Variants in ABTB3 observed in about 807,000 individuals in gnomAD.
ABTB3 encodes the protein ankyrin repeat and BTB domain containing 3.
the ABTB3 span, chr12:107,640,370 C>A: frequency 1.2e-6 from 2 of 1,600,334 alleles, no homozygotes; most frequent in African/African-American, 2.7e-5. Context: ...AGAAGGAAGA[C>A]CATTTTATGC....
the ABTB3 span, chr12:107,544,087 G>C: frequency 1.2e-6 from 2 of 1,614,070 alleles, no homozygotes; most frequent in Non-Finnish European, 1.7e-6. Context: ...CCCACAAATG[G>C]AATGGGAAAA....
the ABTB3 span, among the ~76,000 whole-genome samples, chr12:107,356,560 G>A: frequency 7.2e-5 from 11 of 152,230 alleles, no homozygotes; most frequent in South Asian, 1.0e-3. Context: ...TGTGAATGTC[G>A]TCATCTTAAT....
At chr12:107,588,976 C>A in the ABTB3 span, among the ~76,000 whole-genome samples, 1 of 152,286 alleles carries the variant, frequency 6.6e-6, no homozygotes, top group East Asian at 1.9e-4. Flanking sequence ...GGACTTGGAG[C>A]CTGACTGCCT....
At chr12:107,581,020 G>A in the ABTB3 span, 1 of 1,551,966 alleles carries the variant, frequency 6.4e-7, no homozygotes, top group Non-Finnish European at 8.7e-7. Flanking sequence ...AGGGTCTCCA[G>A]GGAAAGCGGG....
chr12:107,655,383 C>T, the ABTB3 span, among the ~76,000 whole-genome samples: 28,379 of 152,062 alleles, frequency 0.19, 3,648 homozygotes, highest in East Asian at 0.54. Flanking sequence ...AATATCTGCC[C>T]TTTATGATAG....
the ABTB3 span, among the ~76,000 whole-genome samples, chr12:107,580,246 CAG>C: frequency 7.8e-4 from 119 of 152,346 alleles, 1 homozygote; most frequent in African/African-American, 2.8e-3. Flanking sequence ...CCAATTAAAT[CAG>C]AATCCCTGGG....
At chr12:107,409,351 G>A in the ABTB3 span, among the ~76,000 whole-genome samples, 1 of 152,232 alleles carries the variant, frequency 6.6e-6, no homozygotes, top group South Asian at 2.1e-4. Flanking sequence ...ATGTAAATTA[G>A]TTCAACCATT....
At chr12:107,519,801 A>G in the ABTB3 span, among the ~76,000 whole-genome samples, 1 of 152,242 alleles carries the variant, frequency 6.6e-6, no homozygotes, top group Non-Finnish European at 1.5e-5. Context: ...TTGGGGTGGC[A>G]AAGGAAAGAG....
At chr12:107,644,162 T>C in the ABTB3 span, among the ~76,000 whole-genome samples, 1 of 152,228 alleles carries the variant, frequency 6.6e-6, no homozygotes, top group East Asian at 1.9e-4. Flanking sequence ...AGCCAGGATT[T>C]GAACCCAGCC....
At chr12:107,578,443 G>C in the ABTB3 span, among the ~76,000 whole-genome samples, 3 of 134,176 alleles carry the variant, frequency 2.2e-5, no homozygotes, top group Non-Finnish European at 3.0e-5. Flanking sequence ...CCAGGCATTG[G>C]CCGTGTGCCC....
chr12:107,400,920 G>A, the ABTB3 span, among the ~76,000 whole-genome samples: 2 of 152,122 alleles, frequency 1.3e-5, no homozygotes, highest in African/African-American at 4.8e-5. Context: ...AAAGGCCCTG[G>A]TCAAATTAAA....
the ABTB3 span, among the ~76,000 whole-genome samples, chr12:107,605,300 G>A: frequency 3.3e-5 from 5 of 152,352 alleles, no homozygotes; most frequent in East Asian, 9.6e-4. Flanking sequence ...AGGCTGGCAT[G>A]CTATTGGAAG....
the ABTB3 span, among the ~76,000 whole-genome samples, chr12:107,386,816 T>C: frequency 6.6e-6 from 1 of 151,952 alleles, no homozygotes; most frequent in African/African-American, 2.4e-5. Flanking sequence ...TGTCATGTCA[T>C]GGTGATGTCC....
chr12:107,453,198 G>T, the ABTB3 span, among the ~76,000 whole-genome samples: 1 of 152,168 alleles, frequency 6.6e-6, no homozygotes, highest in Non-Finnish European at 1.5e-5. Flanking sequence ...ATAAGATGAG[G>T]CCAGGGACCA....
chr12:107,544,579 G>T, the ABTB3 span, among the ~76,000 whole-genome samples: 2 of 152,216 alleles, frequency 1.3e-5, no homozygotes, highest in Non-Finnish European at 2.9e-5. Context: ...TGATTGCCCA[G>T]GGAGAGGCAG....
At chr12:107,634,378 T>A in the ABTB3 span, among the ~76,000 whole-genome samples, 1 of 152,232 alleles carries the variant, frequency 6.6e-6, no homozygotes, top group Admixed American at 6.5e-5. Flanking sequence ...TCTATTTTTT[T>A]AGATCTTTTT....
At chr12:107,449,923 T>C in the ABTB3 span, among the ~76,000 whole-genome samples, 1 of 152,174 alleles carries the variant, frequency 6.6e-6, no homozygotes, top group African/African-American at 2.4e-5. Context: ...ATTACAGGCA[T>C]GAGCCATTGT....
the ABTB3 span, among the ~76,000 whole-genome samples, chr12:107,532,308 T>C: frequency 6.6e-6 from 1 of 152,158 alleles, no homozygotes; most frequent in Non-Finnish European, 1.5e-5. Flanking sequence ...ATGCACCATT[T>C]TGCACCATCC....
chr12:107,581,317 G>T, the ABTB3 span: 1 of 1,324,524 alleles, frequency 7.5e-7, no homozygotes, highest in Non-Finnish European at 9.6e-7. Flanking sequence ...AGGCGCGGGG[G>T]CGGGCGGGGG....
Sources: allele counts gnomAD v4.1 joint callset (sites outside exome capture counted in the v4.1 genomes callset), GRCh38; gene constraint gnomAD v4.1.1; transcripts MANE v1.5; gene names NCBI Gene and HGNC (gene_info 2026-07-23, HGNC 2026-07-21).